The following MEF2C variants were observed in gnomAD, a reference collection of about 807,000 sequenced individuals.
The protein encoded by MEF2C is myocyte-specific enhancer factor 2C.
In MEF2C, 6 loss-of-function variants were observed where a neutral mutation model predicts 50.5. The observed-to-expected ratio is 0.12, with a 90% CI of 0.07 to 0.23. The LOEUF is 0.23. Among genes scored for constraint, MEF2C ranks in the 10% least tolerant of loss-of-function variants. The pLI, the probability that MEF2C is intolerant of heterozygous loss-of-function variation, is 1.00. For synonymous variants in MEF2C, 183 were observed against 228.0 expected (o/e 0.80, Z 1.78); for missense variants, 276 against 605.0 (o/e 0.46, Z 5.70).
At chr5:88,773,414 G>GA (rs1783304036) in intron 3 of MEF2C, among the ~76,000 whole-genome samples, 2 of 152,006 alleles carry the variant, frequency 1.3e-5, no homozygotes, top group African/African-American at 2.4e-5. Flanking sequence ...ATTATAAAAG[G>GA]AAAAAATCAC....
intron 1 of MEF2C, among the ~76,000 whole-genome samples, chr5:88,826,883 A>T (rs1287807070): frequency 6.7e-6 from 1 of 149,438 alleles, no homozygotes; most frequent in Non-Finnish European, 1.5e-5. Context: ...AAAATGACAG[A>T]GCTACATATA....
intron 3 of MEF2C, among the ~76,000 whole-genome samples, chr5:88,774,408 C>T (rs998083058): frequency 6.6e-6 from 1 of 151,698 alleles, no homozygotes; most frequent in African/African-American, 2.4e-5. Flanking sequence ...CTGCAAGCTC[C>T]GCCTTCCAGG....
chr5:88,810,435 G>A (rs1479491892), intron 2 of MEF2C, among the ~76,000 whole-genome samples: 1 of 151,974 alleles, frequency 6.6e-6, no homozygotes, highest in Non-Finnish European at 1.5e-5. Context: ...TAAAAAAGAT[G>A]AAAGATAAAA....
chr5:88,793,948 C>A (rs1421978050), intron 3 of MEF2C, among the ~76,000 whole-genome samples: 2 of 152,076 alleles, frequency 1.3e-5, no homozygotes, highest in Admixed American at 6.6e-5. Context: ...TCCAGCTTCA[C>A]CCAGGTCCCT....
intron 3 of MEF2C, among the ~76,000 whole-genome samples, chr5:88,773,460 T>C (rs1265242851): frequency 6.6e-6 from 1 of 152,244 alleles, no homozygotes; most frequent in Non-Finnish European, 1.5e-5. Context: ...ATGTCTCTTT[T>C]ATTCTTCCTT....
chr5:88,773,380 C>A (rs1783282979), intron 3 of MEF2C, among the ~76,000 whole-genome samples: 1 of 152,138 alleles, frequency 6.6e-6, no homozygotes. Context: ...CCCCACCATC[C>A]CCCATCCTCG....
chr5:88,856,082 G>A (rs1823222004), intron 1 of MEF2C, among the ~76,000 whole-genome samples: 1 of 152,174 alleles, frequency 6.6e-6, no homozygotes, highest in Non-Finnish European at 1.5e-5. Flanking sequence ...TGAAATCCAG[G>A]CTGAGGTGGT....
intron 2 of MEF2C, among the ~76,000 whole-genome samples, chr5:88,814,675 A>C (rs1804509223): frequency 6.6e-6 from 1 of 152,124 alleles, no homozygotes; most frequent in African/African-American, 2.4e-5. Flanking sequence ...TCAACATCCC[A>C]AATCCCAAAA....
chr5:88,853,575 A>G (rs1218864191), intron 1 of MEF2C, among the ~76,000 whole-genome samples: 1 of 152,230 alleles, frequency 6.6e-6, no homozygotes, highest in Non-Finnish European at 1.5e-5. Flanking sequence ...CAAATATATC[A>G]TAAAGACTGC....
chr5:88,886,516 C>G (rs1331437215), upstream of MEF2C, among the ~76,000 whole-genome samples: 5 of 152,142 alleles, frequency 3.3e-5, no homozygotes. Context: ...TAAATGAGTT[C>G]TGTAACCTAT....
chr5:88,895,862 C>A (rs920865746), intron 1 of MEF2C, among the ~76,000 whole-genome samples: 1 of 152,232 alleles, frequency 6.6e-6, no homozygotes, highest in Non-Finnish European at 1.5e-5. Flanking sequence ...CCGGCCACTA[C>A]AGCCGCCTAA....
chr5:88,842,665 TTTCA>T (rs1231880614), intron 1 of MEF2C, among the ~76,000 whole-genome samples: 3 of 152,176 alleles, frequency 2.0e-5, no homozygotes, highest in Non-Finnish European at 2.9e-5. Context: ...TAATTTTAAC[TTTCA>T]TTAAGTATGT....
chr5:88,876,403 A>G (rs1831080271), intron 1 of MEF2C, among the ~76,000 whole-genome samples: 1 of 152,028 alleles, frequency 6.6e-6, no homozygotes, highest in South Asian at 2.1e-4. Context: ...CTAAATAATC[A>G]TATCTTAAAA....
At chr5:88,751,464 A>G (rs1772707896) in intron 5 of MEF2C, 16 of 985,352 alleles carry the variant, frequency 1.6e-5, no homozygotes, top group Non-Finnish European at 1.9e-5. Context: ...GATAAATACT[A>G]TCACAGAACA....
chr5:88,804,458 A>G, intron 3 of MEF2C, 140 bp downstream of exon 3: 1 of 692,430 alleles, frequency 1.4e-6, no homozygotes, highest in Admixed American at 2.7e-5. Flanking sequence ...GAGTTGCGAT[A>G]GATAATAATC....
intron 3 of MEF2C, among the ~76,000 whole-genome samples, chr5:88,789,922 A>G (rs532838717): frequency 6.6e-6 from 1 of 152,344 alleles, no homozygotes; most frequent in Admixed American, 6.5e-5. Context: ...AGAATGTCCT[A>G]TTGATTATTT....
chr5:88,824,436 A>G, intron 1 of MEF2C: 1 of 770,784 alleles, frequency 1.3e-6, no homozygotes, highest in Non-Finnish European at 1.6e-6. Context: ...GCTATTTGAT[A>G]TATGTAAATG....
intron 5 of MEF2C, chr5:88,751,562 G>A (rs553429665): frequency 3.1e-6 from 3 of 980,746 alleles, no homozygotes; most frequent in African/African-American, 3.5e-5. Flanking sequence ...AGAAGTAAAA[G>A]TGTGGAGAAA....
At chr5:88,816,448 G>A (rs942744339) in intron 2 of MEF2C, among the ~76,000 whole-genome samples, 2 of 141,126 alleles carry the variant, frequency 1.4e-5, no homozygotes, top group African/African-American at 5.2e-5. Flanking sequence ...ACATACATCT[G>A]AGCATTCTGC....
Sources: gnomAD v4.1 joint callset for allele counts (sites outside exome capture counted in the v4.1 genomes callset) on GRCh38, gnomAD v4.1.1 for gene constraint, MANE v1.5 for transcripts, NCBI Gene and HGNC (gene_info 2026-07-23, HGNC 2026-07-21) for gene names.